Variants in PCDHGB5 observed in about 807,000 individuals in gnomAD.
The protein encoded by PCDHGB5 is protocadherin gamma subfamily B, 5.
PCDHGB5 carries 48 observed loss-of-function variants against 62.9 expected under a neutral mutation model. That is an observed-to-expected ratio of 0.76 (90% CI 0.61 to 0.97). The LOEUF (loss-of-function observed/expected upper bound fraction) is 0.97, where lower values mean the gene tolerates loss of function less well. Among genes scored for constraint, PCDHGB5 ranks in the 50% least tolerant of loss-of-function variants. PCDHGB5 has a pLI of 0.00. For missense variants in PCDHGB5, 1,118 were observed against 1,198.6 expected, an observed-to-expected ratio of 0.93 and a Z score of 0.99; for synonymous variants, 474 against 511.2, an observed-to-expected ratio of 0.93 and a Z score of 0.98.
In PCDHGB5 at chr5:141,415,732, T is replaced by C. The variant is rs1159160519; in HGVS notation, c.2397+15208T>C. 4 of 1,411,138 alleles carry C rather than the reference T, an allele frequency of 2.8e-6. No individual in the cohort carries two copies. In the South Asian group the frequency reaches 5.0e-5, roughly 18 times the overall value. The allele number at this position is 1,411,138 out of a possible 1,614,324, so 87.4% of individuals were successfully genotyped here. ...AACACTGATGAGTAGAATTTGATGT[T>C]TATTAAGGTTTTTTTTTTTTTTTTT... On this transcript the variant is annotated intron_variant, in intron 1 of 3. Coordinates refer to ENST00000617380, the MANE Select transcript of PCDHGB5 (RefSeq NM_018925.3).
At chr5:141,505,666 G>T (rs904221281) in intron 3 of PCDHGB5, among the ~76,000 whole-genome samples, 185 bp downstream of exon 3, 3 of 152,180 alleles carry the variant, frequency 2.0e-5, no homozygotes, top group Non-Finnish European at 4.4e-5. Context: ...ACAGCAGAGG[G>T]GTTGGGGGTC....
chr5:141,421,557 C>T (rs764010392), intron 1 of PCDHGB5: 1 of 1,613,932 alleles, frequency 6.2e-7, no homozygotes, highest in South Asian at 1.1e-5. Context: ...TGGAACTTCT[C>T]GTGGAAGACA....
rs145569377 is a variant in PCDHGB5 at position 141,455,860 on chromosome 5, ATTATTTATTTATTTATTTATTTATTTAT to A, written c.2398-38920_2398-38893del. Among the ~76,000 whole-genome samples the A allele has an allele frequency of 5.0e-5, 7 of 139,848 alleles. No individual in the cohort carries two copies. The South Asian group carries it at 9.2e-4, about 18-fold the overall frequency. 91.7% of individuals were successfully genotyped at this position (139,848 alleles called of 152,430 possible). On this transcript the variant is annotated intron_variant, in intron 1 of 3. Transcript: ENST00000617380. ...CTATCTGCATAAAATAATTTCTTTT[ATTATTTATTTATTTATTTATTTATTTAT>A]TTATTTATTTATTTATTTATTTATT...
chr5:141,457,942 T>C (rs2098933338), intron 1 of PCDHGB5, among the ~76,000 whole-genome samples: 1 of 152,226 alleles, frequency 6.6e-6, no homozygotes, highest in Non-Finnish European at 1.5e-5. Flanking sequence ...TTATTGGCTC[T>C]GCATGTCAAG....
chr5:141,431,318 G>C lies in PCDHGB5; in HGVS notation c.2397+30794G>C. 1 of 1,614,086 alleles carries C rather than the reference G, an allele frequency of 6.2e-7. No homozygotes were observed. Among genetic ancestry groups the C allele is most frequent in the African/African-American group, 1.3e-5 (1 of 75,050 alleles). On this transcript the variant is annotated intron_variant, in intron 1 of 3. Transcript: ENST00000617380. The surrounding 1 kb of genome is among the most constrained non-coding windows in gnomAD (Gnocchi z 4.8). ...CTCCCTCATCGTGCAAAATGGAGCC[G>C]ACGGTAGTAAGTACCCCGAATTGGT...
At chr5:141,408,836 T>G in intron 1 of PCDHGB5, 1 of 1,613,680 alleles carries the variant, frequency 6.2e-7, no homozygotes, top group Non-Finnish European at 8.5e-7. Context: ...TAGCTTGATA[T>G]TGACTGCCTT....
At chr5:141,404,232 G>GTCCAC (rs2094500642) in intron 1 of PCDHGB5, 1 of 1,613,696 alleles carries the variant, frequency 6.2e-7, no homozygotes, top group African/African-American at 1.3e-5. Flanking sequence ...GCAACAGACA[G>GTCCAC]AGGAACTCCG....
In PCDHGB5 at chr5:141,399,478, G is replaced by A; in HGVS notation, c.1351G>A (p.Ala451Thr). The A allele has an allele frequency of 1.2e-6, 2 of 1,614,012 alleles. No homozygotes were observed. Among genetic ancestry groups the A allele is most frequent in the East Asian group, 2.2e-5 (1 of 44,872 alleles). Residue 451 changes from alanine (A) to threonine (T), a missense_variant, in exon 1 of 4, where the codon GCG becomes ACG. Ala to Thr is a moderately conservative substitution (Grantham distance 58). Around this residue, in one of 2 missense-constraint regions of PCDHGB5, gnomAD observed 1,034 missense variants for 1,029.1 expected, o/e 1.00. Transcript: ENST00000617380. ...CGATAACGCTCCGGTTTTCCACCAG[G>A]CGTCCTACTTAGTCAGTGTACCCGA... Reference protein sequence around the residue: ...VNDNAPVFHQASYLVSVPENN... With the variant: ...VNDNAPVFHQTSYLVSVPENN...
chr5:141,404,919 C>T, intron 1 of PCDHGB5: 1 of 1,613,924 alleles, frequency 6.2e-7, no homozygotes, highest in Non-Finnish European at 8.5e-7. Context: ...CCTCTCTCGG[C>T]CACTGTCACG....
At chr5:141,403,986 C>T in intron 1 of PCDHGB5, 1 of 1,613,704 alleles carries the variant, frequency 6.2e-7, no homozygotes, top group Non-Finnish European at 8.5e-7. Context: ...GACAATAGAC[C>T]TGAAGTGACC....
rs1591273286 is a variant in PCDHGB5, at chr5:141,433,311, T to A, written c.2397+32787T>A. 11 of 870,402 alleles carry A rather than the reference T, an allele frequency of 1.3e-5. No individual in the cohort carries two copies. The East Asian group carries it at 2.9e-4, about 23-fold the overall frequency. 53.9% of individuals were successfully genotyped at this position (870,402 alleles called of 1,614,324 possible). A position where few individuals can be genotyped will look rare whatever the true frequency, so the allele number is the denominator to read the frequency against. On this transcript the variant is annotated intron_variant, in intron 1 of 3. Coordinates refer to ENST00000617380, the MANE Select transcript of PCDHGB5 (RefSeq NM_018925.3). Reference sequence around the variant, plus strand: ...TAGGCTCAAGCAATTATCCCACCTTTGCCTCCGGTGTAACAGGGACTACAG... The same window carrying A: ...TAGGCTCAAGCAATTATCCCACCTTAGCCTCCGGTGTAACAGGGACTACAG...
intron 1 of PCDHGB5, chr5:141,408,778 A>G (rs1261786266): frequency 6.2e-7 from 1 of 1,612,198 alleles, no homozygotes; most frequent in Non-Finnish European, 8.5e-7. Flanking sequence ...GCAAATACCC[A>G]GAGTTATCTC....
chr5:141,429,376 T>TG (rs2097206796), intron 1 of PCDHGB5, among the ~76,000 whole-genome samples: 1 of 144,558 alleles, frequency 6.9e-6, no homozygotes, highest in Non-Finnish European at 1.5e-5. Context: ...GGAGAAAATG[T>TG]GTTTTTTTTT....
rs1561856520 is a variant in PCDHGB5 at position 141,431,983 on chromosome 5, A to C, written c.2397+31459A>C. 3.1e-6 allele frequency: 5 copies of C among 1,614,242 alleles called. No homozygotes were observed. Among genetic ancestry groups the C allele is most frequent in the Non-Finnish European group, 4.2e-6 (5 of 1,180,036 alleles). ...ATTACTATAGTTTAGTCACAGACAT[A>C]GTCTTGGATAGGGAACAGGTTCCTA... On this transcript the variant is annotated intron_variant, in intron 1 of 3. Coordinates refer to ENST00000617380, the MANE Select transcript of PCDHGB5 (RefSeq NM_018925.3). The surrounding 1 kb of genome is among the most constrained non-coding windows in gnomAD (Gnocchi z 4.8).
At chr5:141,472,058 C>T (rs149583469) in intron 1 of PCDHGB5, among the ~76,000 whole-genome samples, 114 of 152,176 alleles carry the variant, frequency 7.5e-4, no homozygotes, top group African/African-American at 2.6e-3. Context: ...AAATGATTGA[C>T]ATGTCTGTGG....
intron 1 of PCDHGB5, among the ~76,000 whole-genome samples, chr5:141,475,556 T>A (rs1420756007): frequency 6.6e-6 from 1 of 152,248 alleles, no homozygotes; most frequent in Non-Finnish European, 1.5e-5. Context: ...CGGCTAATTG[T>A]CTGTCTTCCA....
At chr5:141,419,265 C>T in intron 1 of PCDHGB5, 1 of 1,614,040 alleles carries the variant, frequency 6.2e-7, no homozygotes, top group Non-Finnish European at 8.5e-7. Flanking sequence ...CAGCCGGGTG[C>T]CTCCATAGCG....
At position 141,493,774 on chromosome 5, in the gene PCDHGB5, C is replaced by T. The variant is rs2099749996; in HGVS notation, c.2398-1033C>T. On this transcript the variant is annotated intron_variant, in intron 1 of 3. Coordinates refer to ENST00000617380, the MANE Select transcript of PCDHGB5 (RefSeq NM_018925.3). The surrounding 1 kb of genome is among the most constrained non-coding windows in gnomAD (Gnocchi z 4.3). ...GCCTTGAGTGAGCCACTGGCAGTTC[C>T]GGAGCTTCCTTCTCCCTGGAGTAAT... Among the ~76,000 whole-genome samples, 1 of 152,258 alleles carries T rather than the reference C, an allele frequency of 6.6e-6. No homozygotes were observed. The highest frequency in any genetic ancestry group is 1.9e-4 in the East Asian group (1 of 5,176).
chr5:141,490,215 G>C lies in PCDHGB5; in HGVS notation c.2398-4592G>C. 6.2e-7 allele frequency: 1 copy of C among 1,614,254 alleles called. No individual in the cohort carries two copies. Among genetic ancestry groups the C allele is most frequent in the African/African-American group, 1.3e-5 (1 of 75,078 alleles). On this transcript the variant is annotated intron_variant, in intron 1 of 3. Coordinates refer to ENST00000617380, the MANE Select transcript of PCDHGB5 (RefSeq NM_018925.3). The surrounding 1 kb of genome is among the most constrained non-coding windows in gnomAD (Gnocchi z 5.4). ...AAATTCATGCAAGAGCCCGTGACCA[G>C]GGACAGCCTGCCATGGAGGGCCACT... is the stretch of plus-strand genomic sequence containing the variant.
Sources: allele counts gnomAD v4.1 joint callset (sites outside exome capture counted in the v4.1 genomes callset), GRCh38; gene constraint gnomAD v4.1.1; regional missense constraint gnomAD v4.1.1; non-coding constraint Gnocchi (gnomAD v3.1); transcripts MANE v1.5; gene names NCBI Gene and HGNC (gene_info 2026-07-23, HGNC 2026-07-21).